Variants in AUTS2 observed in about 807,000 individuals in gnomAD.
AUTS2 encodes autism susceptibility gene 2 protein.
Under a neutral mutation model 112.4 loss-of-function variants are expected in AUTS2, and 17 were observed. The observed-to-expected ratio is 0.15, with a 90% CI of 0.10 to 0.23. The LOEUF is 0.23. Among genes scored for constraint, AUTS2 ranks in the 10% least tolerant of loss-of-function variants. The probability of loss-of-function intolerance (pLI) is 1.00; values close to 1 mark genes in which losing one functional copy is unlikely to be tolerated. For missense variants in AUTS2, 1,510 were observed against 1,701.6 expected (o/e 0.89, Z 1.98); for synonymous variants, 751 against 702.7 (o/e 1.07, Z -1.09).
intron 2 of AUTS2, among the ~76,000 whole-genome samples, chr7:70,085,803 C>A (rs1803567664): frequency 6.6e-6 from 1 of 152,104 alleles, no homozygotes; most frequent in Non-Finnish European, 1.5e-5. Flanking sequence ...TTCCTTTTTA[C>A]TAATCAATTT....
At position 69,843,019 on chromosome 7, in the gene AUTS2, G is replaced by T. The variant is rs183118623; in HGVS notation, c.310-56267G>T. Reference sequence around the variant, plus strand: ...GCTGATAATGGAGTATGTGCCAGGTGGGGGCAGGATGGTATCCAGGCAGTG... The same window carrying T: ...GCTGATAATGGAGTATGTGCCAGGTTGGGGCAGGATGGTATCCAGGCAGTG... On this transcript the variant is annotated intron_variant, in intron 1 of 18. Coordinates refer to ENST00000342771, the MANE Select transcript of AUTS2 (RefSeq NM_015570.4). Among the ~76,000 whole-genome samples, 12 of 152,260 alleles carry T rather than the reference G, an allele frequency of 7.9e-5. No individual in the cohort carries two copies. In the South Asian group the frequency reaches 1.0e-3, roughly 13 times the overall value.
intron 2 of AUTS2, among the ~76,000 whole-genome samples, chr7:69,929,410 GT>G (rs1359407565): frequency 6.6e-6 from 1 of 151,904 alleles, no homozygotes; most frequent in Non-Finnish European, 1.5e-5. Context: ...TTTTTATGAA[GT>G]TTGGAAATTT....
At chr7:70,052,620 C>T (rs1801807772) in intron 2 of AUTS2, among the ~76,000 whole-genome samples, 1 of 152,164 alleles carries the variant, frequency 6.6e-6, no homozygotes, top group Admixed American at 6.5e-5. Flanking sequence ...AACTGTAGCC[C>T]TACTCATAAA....
chr7:70,032,767 G>T (rs1008757000), intron 2 of AUTS2, among the ~76,000 whole-genome samples: 1 of 151,914 alleles, frequency 6.6e-6, no homozygotes, highest in African/African-American at 2.4e-5. Context: ...TCCCTGTAAG[G>T]TATCCTCCTC....
At chr7:70,145,680 T>C (rs1807089012) in intron 4 of AUTS2, among the ~76,000 whole-genome samples, 1 of 152,154 alleles carries the variant, frequency 6.6e-6, no homozygotes, top group Admixed American at 6.6e-5. Flanking sequence ...AAATTTTGAA[T>C]ACAGAAGGGA....
chr7:69,934,226 A>G (rs1046722406), intron 2 of AUTS2, among the ~76,000 whole-genome samples: 3 of 152,176 alleles, frequency 2.0e-5, no homozygotes, highest in Admixed American at 6.5e-5. Context: ...TGGAGGTGAC[A>G]GTAAGGAGGG....
At chr7:70,339,864 A>C (rs2129620470) in intron 4 of AUTS2, among the ~76,000 whole-genome samples, 1 of 152,300 alleles carries the variant, frequency 6.6e-6, no homozygotes, top group Admixed American at 6.5e-5. Context: ...TTTCTGTGTT[A>C]GATTAGTGAG....
intron 2 of AUTS2, among the ~76,000 whole-genome samples, chr7:70,017,914 A>G (rs1226562372): frequency 6.6e-6 from 1 of 150,738 alleles, no homozygotes; most frequent in African/African-American, 2.4e-5. Context: ...TGGAAGGGTG[A>G]TGTTGACAAT....
At chr7:70,574,194 C>G (rs1389261544) in intron 5 of AUTS2, among the ~76,000 whole-genome samples, 1 of 152,150 alleles carries the variant, frequency 6.6e-6, no homozygotes, top group Non-Finnish European at 1.5e-5. Flanking sequence ...CATCTTACCC[C>G]TGCTTTCTTG....
rs528811402 is a variant in AUTS2, at chr7:70,083,838, T to C, written c.523-34294T>C. Among the ~76,000 whole-genome samples the C allele has an allele frequency of 3.9e-5, 6 of 152,278 alleles. No individual in the cohort carries two copies. In the East Asian group the frequency reaches 1.2e-3, roughly 29 times the overall value. Reference sequence around the variant, plus strand: ...GGTTCGTATCTGTAGTCCCAGCTACTCAGGAGGCTGAGGTGGGAGGATTGC... The same window carrying C: ...GGTTCGTATCTGTAGTCCCAGCTACCCAGGAGGCTGAGGTGGGAGGATTGC... On this transcript the variant is annotated intron_variant, in intron 2 of 18. Coordinates refer to ENST00000342771, the MANE Select transcript of AUTS2 (RefSeq NM_015570.4).
intron 6 of AUTS2, among the ~76,000 whole-genome samples, chr7:70,746,220 C>T (rs1018848276): frequency 2.6e-5 from 4 of 152,156 alleles, no homozygotes; most frequent in Non-Finnish European, 5.9e-5. Flanking sequence ...AATCTCAGCT[C>T]GCTGCCACTT....
intron 4 of AUTS2, among the ~76,000 whole-genome samples, chr7:70,280,336 T>C (rs1265062513): frequency 4.7e-5 from 7 of 147,766 alleles, no homozygotes; most frequent in Non-Finnish European, 5.9e-5. Context: ...CAGGCTGGAG[T>C]GCAGTGGCAC....
chr7:70,584,603 T>C (rs1802600233), intron 5 of AUTS2, among the ~76,000 whole-genome samples: 1 of 152,246 alleles, frequency 6.6e-6, no homozygotes, highest in Non-Finnish European at 1.5e-5. Context: ...ATGCTGCGAC[T>C]TCAGCCACAG....
At chr7:69,870,448 A>ATAT (rs1554395050) in intron 1 of AUTS2, among the ~76,000 whole-genome samples, 6 of 78,964 alleles carry the variant, frequency 7.6e-5, no homozygotes, top group African/African-American at 2.7e-4. Flanking sequence ...ATGTGTGTGT[A>ATAT]ATATATATAT....
chr7:70,063,261 GTTTTTTT>G (rs762616016), intron 2 of AUTS2, among the ~76,000 whole-genome samples: 1 of 138,496 alleles, frequency 7.2e-6, no homozygotes, highest in Non-Finnish European at 1.6e-5. Flanking sequence ...TTTGGGTTTT[GTTTTTTT>G]TTTTTTCCTT....
At chr7:69,627,608 G>A (rs1794019322) in intron 1 of AUTS2, among the ~76,000 whole-genome samples, 1 of 152,172 alleles carries the variant, frequency 6.6e-6, no homozygotes, top group African/African-American at 2.4e-5. Context: ...TTTCTTTGGG[G>A]AGGAGTGGTT....
intron 2 of AUTS2, among the ~76,000 whole-genome samples, chr7:69,957,862 A>G (rs913513827): frequency 4.0e-5 from 6 of 151,760 alleles, no homozygotes; most frequent in Admixed American, 2.0e-4. Context: ...TTCTCCTGGC[A>G]TAGCAGCTCT....
intron 5 of AUTS2, among the ~76,000 whole-genome samples, chr7:70,688,980 T>C (rs1362653122): frequency 6.6e-6 from 1 of 152,206 alleles, no homozygotes; most frequent in Non-Finnish European, 1.5e-5. Context: ...AAGCCCTCAC[T>C]ATTAAGAGTT....
chr7:70,374,396 A>G (rs772961183), intron 4 of AUTS2, among the ~76,000 whole-genome samples: 4 of 152,180 alleles, frequency 2.6e-5, no homozygotes, highest in African/African-American at 7.2e-5. Context: ...ACCAATTGCT[A>G]TATAACTACT....
Sources: allele counts gnomAD v4.1 joint callset (sites outside exome capture counted in the v4.1 genomes callset), GRCh38; gene constraint gnomAD v4.1.1; transcripts MANE v1.5; gene names NCBI Gene and HGNC (gene_info 2026-07-23, HGNC 2026-07-21).